CHID1: variants seen among roughly 807,000 people sequenced by gnomAD.
The protein encoded by CHID1 is chitinase domain-containing protein 1.
Under a neutral mutation model 55.4 loss-of-function variants are expected in CHID1, and 44 were observed. The ratio of observed to expected loss-of-function variants is 0.79; its 90% CI spans 0.62 to 1.02. CHID1 has a LOEUF of 1.02. Ranked by LOEUF, CHID1 falls within the 50% of genes least tolerant of loss-of-function variation. CHID1 has a pLI of 0.00. For synonymous variants in CHID1, 216 were observed against 212.9 expected (o/e 1.01, Z -0.13); for missense variants, 491 against 515.3 (o/e 0.95, Z 0.46).
At position 869,719 on chromosome 11, in the gene CHID1, A is replaced by C. The variant is rs1194373321; in HGVS notation, c.*139T>G. 1.4e-6 allele frequency: 1 copy of C among 735,620 alleles called. No individual in the cohort carries two copies. Among genetic ancestry groups the C allele is most frequent in the Non-Finnish European group, 2.3e-6 (1 of 427,606 alleles). 45.6% of individuals were successfully genotyped at this position (735,620 alleles called of 1,614,324 possible). ...ACCCCTCATGGGAGGATGGGGAGTC[A>C]CATGGTGCCCAGGACCCCCGACTGA... On this transcript the variant is annotated 3_prime_UTR_variant, in exon 13 of 13. Transcript: ENST00000323578.
intron 1 of CHID1, among the ~76,000 whole-genome samples, chr11:907,145 T>TA (rs947875413): frequency 2.0e-5 from 3 of 152,174 alleles, no homozygotes; most frequent in African/African-American, 7.2e-5. Context: ...AAACTTTTAT[T>TA]ACACTGTTCA....
chr11:903,157 G>A (rs368558202), intron 2 of CHID1, 46 bp from the exon 3 acceptor site: 1 of 1,589,082 alleles, frequency 6.3e-7, no homozygotes, highest in East Asian at 2.2e-5. Flanking sequence ...TCTGTCCACA[G>A]TGTAGAGCAC....
intron 5 of CHID1, 47 bp downstream of exon 5, chr11:900,889 C>T (rs767656493): frequency 1.5e-5 from 23 of 1,547,748 alleles, no homozygotes; most frequent in Non-Finnish European, 1.9e-5. Context: ...TGTCCACCCC[C>T]GCAGTTTGAG....
rs1849048002 is a variant in CHID1, at chr11:869,913, C to T, written c.1127G>A (p.Gly376Glu). The stretch of plus-strand genomic sequence containing the variant: ...CTGGCCCAGCTCCCAGATAGAGACC[C>T]CAACGCCCAGCTCCCGGGCCAGCTC... ...RLELARELGV[G>E]VSIWELGQGL... The change falls in exon 13 of 13, where the codon GGG (glycine) becomes GAG (glutamate). Residue 376 changes from glycine to glutamate, a missense_variant. Physicochemically the swap from Gly to Glu is moderately conservative, Grantham distance 98. Transcript: ENST00000323578. 1 of 1,612,892 alleles carries T rather than the reference C, an allele frequency of 6.2e-7. No individual in the cohort carries two copies. Among genetic ancestry groups the T allele is most frequent in the Non-Finnish European group, 8.5e-7 (1 of 1,179,914 alleles).
chr11:906,645 C>T (rs1852238226), intron 1 of CHID1, among the ~76,000 whole-genome samples: 1 of 152,196 alleles, frequency 6.6e-6, no homozygotes, highest in Admixed American at 6.5e-5. Flanking sequence ...CAAGACAGAA[C>T]TTCCACAGTT....
intron 8 of CHID1, among the ~76,000 whole-genome samples, chr11:888,468 G>C (rs1850559465): frequency 6.6e-6 from 1 of 152,266 alleles, no homozygotes; most frequent in South Asian, 2.1e-4. Context: ...GCCGGCAGCA[G>C]AGCCATCTGT....
upstream of CHID1, among the ~76,000 whole-genome samples, chr11:912,434 T>A (rs1009543687): frequency 6.6e-6 from 1 of 152,210 alleles, no homozygotes; most frequent in Non-Finnish European, 1.5e-5. Context: ...GCCAGGCCCC[T>A]CTGCAGAGCT....
chr11:889,030 A>G (rs1426592477), intron 8 of CHID1, among the ~76,000 whole-genome samples: 1 of 152,094 alleles, frequency 6.6e-6, no homozygotes, highest in African/African-American at 2.4e-5. Context: ...TCTGTGCCCC[A>G]GGGCCCTGGG....
At chr11:906,475 G>A (rs867828180) in intron 1 of CHID1, among the ~76,000 whole-genome samples, 1 of 151,890 alleles carries the variant, frequency 6.6e-6, no homozygotes, top group Admixed American at 6.6e-5. Flanking sequence ...CTGGCCTCCC[G>A]TGATCTGCCT....
chr11:870,439 C>T lies in CHID1; in HGVS notation c.1020G>A (p.Glu340=), dbSNP rs1414782158. 6.2e-7 allele frequency: 1 copy of T among 1,611,938 alleles called. No individual in the cohort carries two copies. The highest frequency in any genetic ancestry group is 8.5e-7 in the Non-Finnish European group (1 of 1,179,014). The part of the protein sequence containing the change: ...PRMVWDSQAS[E]HFFEYKKSRS... ...CTCACTTCTTGTACTCGAAGAAGTG[C>T]TCTGAGGCCTGGCTGTCCCACACCA... The change falls in exon 11 of 13, where the codon GAG becomes GAA. Residue 340 remains glutamate, a synonymous_variant. Transcript: ENST00000323578.
At chr11:887,308 G>A (rs1259899989) in intron 8 of CHID1, among the ~76,000 whole-genome samples, 3 of 152,178 alleles carry the variant, frequency 2.0e-5, no homozygotes, top group Admixed American at 6.5e-5. Flanking sequence ...CATTACAGGC[G>A]CGTACCTCCA....
chr11:911,893 T>G (rs1447977406), upstream of CHID1, among the ~76,000 whole-genome samples: 1 of 152,196 alleles, frequency 6.6e-6, no homozygotes, highest in African/African-American at 2.4e-5. Flanking sequence ...AGGGTCCCAG[T>G]AAGCTATGGC....
chr11:887,434 A>C (rs948355083), intron 8 of CHID1, among the ~76,000 whole-genome samples: 4 of 152,076 alleles, frequency 2.6e-5, no homozygotes, highest in African/African-American at 9.7e-5. Flanking sequence ...ACCTGGCGAG[A>C]GGCTGGTCTT....
chr11:899,918 T>C, intron 6 of CHID1, 86 bp downstream of exon 6: 1 of 897,200 alleles, frequency 1.1e-6, no homozygotes, highest in Non-Finnish European at 1.8e-6. Flanking sequence ...AAAAGCCGAG[T>C]GGAGGCCTCG....
chr11:885,677 C>T (rs866079043), intron 8 of CHID1, among the ~76,000 whole-genome samples: 1 of 151,970 alleles, frequency 6.6e-6, no homozygotes, highest in Non-Finnish European at 1.5e-5. Flanking sequence ...TGCCCTGCAA[C>T]CTCCCTCTGG....
upstream of CHID1, among the ~76,000 whole-genome samples, chr11:913,881 A>G (rs1414403917): frequency 6.6e-6 from 1 of 152,172 alleles, no homozygotes; most frequent in Admixed American, 6.5e-5. Context: ...TCTGGGCAAC[A>G]TGGTGAAACC....
At chr11:871,949 G>C (rs1271827052) in intron 10 of CHID1, among the ~76,000 whole-genome samples, 2 of 152,218 alleles carry the variant, frequency 1.3e-5, no homozygotes, top group Admixed American at 1.3e-4. Context: ...GCCTCTTCCA[G>C]ACTAGGGCAC....
intron 8 of CHID1, among the ~76,000 whole-genome samples, chr11:885,522 G>A (rs1186570829): frequency 6.6e-6 from 1 of 151,982 alleles, no homozygotes; most frequent in Non-Finnish European, 1.5e-5. Context: ...GCTCAGGCAC[G>A]GTCAGCCTCC....
At position 869,977 on chromosome 11, in the gene CHID1, G is replaced by A. The variant is rs141109433; in HGVS notation, c.1084-21C>T. 1,008 of 1,609,666 alleles carry A rather than the reference G, an allele frequency of 6.3e-4. 8 individuals are homozygous for A. In the African/African-American group the frequency reaches 0.012, roughly 19 times the overall value. On this transcript the variant is annotated intron_variant, in intron 12 of 12. Transcript: ENST00000323578. The stretch of plus-strand genomic sequence containing the variant: ...AGGGACTGGGCACAGATGGAGGTGT[G>A]AGCACCTGCTGGGGCCTGTCCCCCC...
Sources: allele counts gnomAD v4.1 joint callset (sites outside exome capture counted in the v4.1 genomes callset), GRCh38; gene constraint gnomAD v4.1.1; transcripts MANE v1.5; gene names NCBI Gene and HGNC (gene_info 2026-07-23, HGNC 2026-07-21).